Variants in SPATA18 observed in about 807,000 individuals in gnomAD.
The protein encoded by SPATA18 is spermatogenesis associated 18.
SPATA18 carries 54 observed loss-of-function variants against 68.1 expected under a neutral mutation model. The observed-to-expected ratio is 0.79, with a 90% CI of 0.64 to 0.99. The LOEUF (loss-of-function observed/expected upper bound fraction) is 0.99, where lower values mean the gene tolerates loss of function less well. Ranked by LOEUF, SPATA18 falls within the 50% of genes least tolerant of loss-of-function variation. SPATA18 has a pLI of 0.00. For synonymous variants in SPATA18, 242 were observed against 244.8 expected (o/e 0.99, Z 0.11); for missense variants, 724 against 681.1 (o/e 1.06, Z -0.70).
At chr4:52,094,391 G>T (rs969063680) in intron 11 of SPATA18, 136 bp from the exon 12 acceptor site, 3 of 704,278 alleles carry the variant, frequency 4.3e-6, no homozygotes, top group Non-Finnish European at 7.3e-6. Flanking sequence ...GTCAACCTTA[G>T]GGTGAAAAAT....
chr4:52,076,553 A>T (rs1371010660), intron 6 of SPATA18, among the ~76,000 whole-genome samples: 1 of 152,192 alleles, frequency 6.6e-6, no homozygotes, highest in Non-Finnish European at 1.5e-5. Flanking sequence ...TTAAGAACGC[A>T]TGCATTCTGG....
chr4:52,086,111 G>A (rs1354571251), intron 11 of SPATA18, among the ~76,000 whole-genome samples: 3 of 152,070 alleles, frequency 2.0e-5, no homozygotes, highest in Non-Finnish European at 4.4e-5. Flanking sequence ...AGAGAGAGTG[G>A]TAGAGAAGGA....
chr4:52,076,692 G>A lies in SPATA18; in HGVS notation c.759-87G>A. On this transcript the variant is annotated intron_variant, in intron 6 of 12. Transcript: ENST00000295213. ...AGATAAGGAGTTTTGCCTCCGGATG[G>A]TCGGATTCATTGGCCACCAGATGAT... The A allele has an allele frequency of 1.9e-6, 3 of 1,563,402 alleles. No individual in the cohort carries two copies. The South Asian group carries it at 3.6e-5, about 19-fold the overall frequency.
intron 11 of SPATA18, among the ~76,000 whole-genome samples, chr4:52,093,703 C>T (rs930845334): frequency 7.2e-5 from 11 of 152,196 alleles, no homozygotes; most frequent in African/African-American, 2.7e-4. Flanking sequence ...TAACTCCGGA[C>T]TCCCATCAAA....
intron 2 of SPATA18, 127 bp from the exon 3 acceptor site, chr4:52,060,655 C>G: frequency 8.7e-7 from 1 of 1,144,572 alleles, no homozygotes; most frequent in Non-Finnish European, 1.3e-6. Context: ...TGTGTGTATT[C>G]TCTCTTTTTT....
chr4:52,086,901 A>G (rs1180886069), intron 11 of SPATA18, among the ~76,000 whole-genome samples: 2 of 151,996 alleles, frequency 1.3e-5, no homozygotes, highest in African/African-American at 4.8e-5. Flanking sequence ...AAGCATTCCT[A>G]TTTTTCCACA....
chr4:52,090,849 G>A (rs10866420), intron 11 of SPATA18, among the ~76,000 whole-genome samples: 74,431 of 151,366 alleles, frequency 0.49, 21,781 homozygotes, highest in Non-Finnish European at 0.66. Flanking sequence ...CTTGGTTGGG[G>A]AATATCTCCT....
In SPATA18 at chr4:52,085,369, G is replaced by A. The variant is rs550173647; in HGVS notation, c.1563+370G>A. ...GGTTCCTCTAGAAATTTGTGTATGAGTTTAGAGAAATTACTCAAATGGTCT... is the reference window on the plus strand; with the variant it reads ...GGTTCCTCTAGAAATTTGTGTATGAATTTAGAGAAATTACTCAAATGGTCT... On this transcript the variant is annotated intron_variant, in intron 11 of 12. Transcript: ENST00000295213. Among the ~76,000 whole-genome samples, 14 of 152,232 alleles carry A rather than the reference G, an allele frequency of 9.2e-5. No individual in the cohort carries two copies. In the South Asian group the frequency reaches 1.2e-3, roughly 14 times the overall value.
At chr4:52,070,628 T>C (rs1739745487) in intron 5 of SPATA18, among the ~76,000 whole-genome samples, 1 of 152,098 alleles carries the variant, frequency 6.6e-6, no homozygotes, top group African/African-American at 2.4e-5. Flanking sequence ...GGCACATGTA[T>C]ACATATGTAA....
chr4:52,059,661 C>T (rs1738658092), intron 1 of SPATA18, among the ~76,000 whole-genome samples: 2 of 152,252 alleles, frequency 1.3e-5, no homozygotes, highest in Non-Finnish European at 2.9e-5. Context: ...TTGCGCTCAT[C>T]TGTGTAGGTA....
At chr4:52,086,235 C>A (rs1384527088) in intron 11 of SPATA18, among the ~76,000 whole-genome samples, 1 of 152,160 alleles carries the variant, frequency 6.6e-6, no homozygotes, top group African/African-American at 2.4e-5. Flanking sequence ...AAAACCCCTG[C>A]AGTTGATGAA....
intron 4 of SPATA18, among the ~76,000 whole-genome samples, chr4:52,066,238 C>T (rs532082456): frequency 6.9e-4 from 105 of 152,244 alleles, no homozygotes; most frequent in Non-Finnish European, 1.4e-3. Context: ...GCAAGCTATG[C>T]CTCCTGGGTT....
intron 5 of SPATA18, 69 bp downstream of exon 5, chr4:52,069,985 A>T: frequency 1.0e-6 from 1 of 962,628 alleles, no homozygotes; most frequent in South Asian, 2.1e-5. Context: ...GCTCCATTAC[A>T]ACATGAAAGA....
At chr4:52,054,558 G>A (rs1008793871) in intron 1 of SPATA18, among the ~76,000 whole-genome samples, 5 of 152,044 alleles carry the variant, frequency 3.3e-5, no homozygotes, top group East Asian at 1.9e-4. Context: ...TGCATGTTAC[G>A]TTCATCCTAT....
intron 1 of SPATA18, among the ~76,000 whole-genome samples, chr4:52,055,841 G>A (rs2109403959): frequency 6.6e-6 from 1 of 152,250 alleles, no homozygotes; most frequent in African/African-American, 2.4e-5. Context: ...AGTAGCATGT[G>A]TTTTTGCATT....
chr4:52,093,199 G>GTGA (rs1245182577), intron 11 of SPATA18, among the ~76,000 whole-genome samples: 3 of 152,192 alleles, frequency 2.0e-5, no homozygotes, highest in Non-Finnish European at 2.9e-5. Context: ...TTAGCTGAAT[G>GTGA]TGATACAGTC....
At chr4:52,059,690 C>A (rs1281419538) in intron 1 of SPATA18, among the ~76,000 whole-genome samples, 1 of 152,236 alleles carries the variant, frequency 6.6e-6, no homozygotes, top group Non-Finnish European at 1.5e-5. Context: ...TATTCCGCTG[C>A]AGAGTAACTG....
intron 11 of SPATA18, among the ~76,000 whole-genome samples, chr4:52,090,827 T>C (rs1324746136): frequency 6.6e-6 from 1 of 152,164 alleles, no homozygotes; most frequent in Non-Finnish European, 1.5e-5. Flanking sequence ...ATTTGGATCT[T>C]GGCCTGTCTT....
intron 11 of SPATA18, among the ~76,000 whole-genome samples, chr4:52,091,096 G>A (rs187356122): frequency 6.6e-6 from 1 of 151,758 alleles, no homozygotes; most frequent in East Asian, 2.0e-4. Flanking sequence ...ATTGATACTT[G>A]TGTATTCCTC....
Sources: allele counts gnomAD v4.1 joint callset (sites outside exome capture counted in the v4.1 genomes callset), GRCh38; gene constraint gnomAD v4.1.1; transcripts MANE v1.5; gene names NCBI Gene and HGNC (gene_info 2026-07-23, HGNC 2026-07-21).